Variants in SNX29 observed in about 807,000 individuals in gnomAD.
The protein encoded by SNX29 is sorting nexin-29.
In SNX29, 78 loss-of-function variants were observed where a neutral mutation model predicts 102.1. The observed-to-expected ratio is 0.76, with a 90% CI of 0.64 to 0.92. The LOEUF is 0.92. Among genes scored for constraint, SNX29 ranks in the 40% least tolerant of loss-of-function variants. The probability of loss-of-function intolerance (pLI) is 0.00; values close to 1 mark genes in which losing one functional copy is unlikely to be tolerated. For synonymous variants in SNX29, 580 were observed against 414.5 expected, an observed-to-expected ratio of 1.40 and a Z score of -4.85; for missense variants, 1,280 against 1,061.7, an observed-to-expected ratio of 1.21 and a Z score of -2.86.
rs1284675339 is a variant in SNX29 at position 12,429,224 on chromosome 16, T to G, written c.2037+25695T>G. Among the ~76,000 whole-genome samples the G allele has an allele frequency of 2.0e-5, 3 of 152,214 alleles. No individual in the cohort carries two copies. The East Asian group carries it at 5.8e-4, about 29-fold the overall frequency. ...GCAAGTAATATCTCCTTCTAGTTAG[T>G]AACAACACACAGATATGATTACAAT... is the stretch of plus-strand genomic sequence containing the variant. On this transcript the variant is annotated intron_variant, in intron 18 of 20. Coordinates refer to ENST00000566228, the MANE Select transcript of SNX29 (RefSeq NM_032167.5).
Position 12,051,925 on chromosome 16 carries a change from A to T in SNX29, c.827A>T (p.Gln276Leu). Residue 276 changes from glutamine to leucine, a missense_variant, in exon 8 of 21, where the codon CAG becomes CTG. Coordinates refer to ENST00000566228, the MANE Select transcript of SNX29 (RefSeq NM_032167.5). ...IISFDDEEDE[Q>L]NSGDVFKKTP... ...TCATTTGATGATGAGGAAGATGAGC[A>T]GAACTCTGGGGACGTGTTTAAAAAG... The T allele has an allele frequency of 6.2e-7, 1 of 1,613,866 alleles. No homozygotes were observed. The highest frequency in any genetic ancestry group is 2.2e-5 in the East Asian group (1 of 44,868).
chr16:12,399,347 C>T (rs2083848039), intron 17 of SNX29, among the ~76,000 whole-genome samples: 1 of 152,184 alleles, frequency 6.6e-6, no homozygotes, highest in South Asian at 2.1e-4. Context: ...CCACCGTGCC[C>T]AGCCGATTTT....
chr16:12,392,125 C>CT (rs1487679793), intron 16 of SNX29, among the ~76,000 whole-genome samples: 2 of 152,186 alleles, frequency 1.3e-5, no homozygotes, highest in African/African-American at 4.8e-5. Flanking sequence ...TCACCTGACA[C>CT]TTTGTTTTGT....
At chr16:12,153,695 C>T (rs144279072) in intron 13 of SNX29, among the ~76,000 whole-genome samples, 9 of 149,968 alleles carry the variant, frequency 6.0e-5, no homozygotes, top group Admixed American at 1.3e-4. Flanking sequence ...TCAGGCTGGT[C>T]TCGAACTCAT....
At chr16:12,027,564 T>G (rs978461857) in intron 4 of SNX29, 120 bp downstream of exon 4, 2 of 1,220,774 alleles carry the variant, frequency 1.6e-6, no homozygotes, top group African/African-American at 3.1e-5. Flanking sequence ...GGGTGGTGTA[T>G]GGGCACAGAA....
At chr16:12,559,022 C>T (rs538161000) in intron 20 of SNX29, among the ~76,000 whole-genome samples, 12 of 152,246 alleles carry the variant, frequency 7.9e-5, no homozygotes, top group Admixed American at 5.2e-4. Context: ...AGACAAAAGA[C>T]TCCTTTTAAG....
chr16:12,143,943 G>T (rs764673284), intron 13 of SNX29, among the ~76,000 whole-genome samples: 19 of 152,192 alleles, frequency 1.2e-4, no homozygotes, highest in South Asian at 4.1e-4. Flanking sequence ...GGTAATTCCA[G>T]TGTGCAGTCA....
chr16:12,554,594 C>G (rs139490176), intron 20 of SNX29, among the ~76,000 whole-genome samples: 1 of 152,162 alleles, frequency 6.6e-6, no homozygotes, highest in East Asian at 1.9e-4. Context: ...TTGGAGCTCC[C>G]AAGCCAGAGG....
chr16:12,133,258 C>G (rs968269824), intron 13 of SNX29, among the ~76,000 whole-genome samples: 3 of 123,806 alleles, frequency 2.4e-5, no homozygotes, highest in African/African-American at 9.5e-5. Flanking sequence ...CTTAACTTCT[C>G]TGTTTCTGTT....
intron 14 of SNX29, among the ~76,000 whole-genome samples, chr16:12,213,088 TG>T: frequency 6.6e-6 from 1 of 152,220 alleles, no homozygotes; most frequent in Non-Finnish European, 1.5e-5. Context: ...CACTCCAGCC[TG>T]GGTGACAGAG....
At chr16:12,209,057 T>G (rs2077116788) in intron 14 of SNX29, among the ~76,000 whole-genome samples, 1 of 152,182 alleles carries the variant, frequency 6.6e-6, no homozygotes, top group South Asian at 2.1e-4. Context: ...TTCTGTAAGG[T>G]GCTTTTGGCT....
chr16:12,485,477 T>C (rs930720118), intron 19 of SNX29, among the ~76,000 whole-genome samples: 1 of 152,158 alleles, frequency 6.6e-6, no homozygotes, highest in African/African-American at 2.4e-5. Context: ...AAATTATGCA[T>C]TAAAATCCTC....
At chr16:12,362,562 A>ACT (rs2082334475) in intron 16 of SNX29, among the ~76,000 whole-genome samples, 9 of 19,978 alleles carry the variant, frequency 4.5e-4, no homozygotes, top group Admixed American at 7.8e-4. Context: ...CTCCCCCCCC[A>ACT]CCCCCCCCCC....
At chr16:12,511,908 G>T (rs188601476) in intron 19 of SNX29, among the ~76,000 whole-genome samples, 8 of 152,118 alleles carry the variant, frequency 5.3e-5, no homozygotes, top group African/African-American at 1.9e-4. Context: ...ACTGGACGGC[G>T]TTGGGCAGGG....
chr16:12,494,108 G>A (rs747359341), intron 19 of SNX29, among the ~76,000 whole-genome samples: 1 of 152,040 alleles, frequency 6.6e-6, no homozygotes, highest in Non-Finnish European at 1.5e-5. Context: ...AGTGCTATGC[G>A]AGGCTCAGGT....
At chr16:12,390,635 A>G (rs1335482499) in intron 16 of SNX29, among the ~76,000 whole-genome samples, 2 of 152,184 alleles carry the variant, frequency 1.3e-5, no homozygotes, top group East Asian at 3.8e-4. Context: ...AGGGCTGCCA[A>G]ACCCCAAAAC....
chr16:12,465,157 C>G (rs2086994298), intron 18 of SNX29, among the ~76,000 whole-genome samples: 1 of 152,164 alleles, frequency 6.6e-6, no homozygotes, highest in Admixed American at 6.5e-5. Context: ...TTGCAAATAT[C>G]TTCTACTTTG....
intron 18 of SNX29, among the ~76,000 whole-genome samples, chr16:12,447,181 A>G (rs2151698714): frequency 6.7e-6 from 1 of 149,908 alleles, no homozygotes; most frequent in East Asian, 1.9e-4. Context: ...AAAAAAAAAA[A>G]AAAAAAAAAA....
intron 20 of SNX29, among the ~76,000 whole-genome samples, chr16:12,531,314 G>T (rs169773): frequency 0.32 from 48,673 of 152,134 alleles, 8,293 homozygotes; most frequent in East Asian, 0.58. Context: ...CTGGAGCCCT[G>T]GCAGGTGTGT....
Sources: allele counts gnomAD v4.1 joint callset (sites outside exome capture counted in the v4.1 genomes callset), GRCh38; gene constraint gnomAD v4.1.1; transcripts MANE v1.5; gene names NCBI Gene and HGNC (gene_info 2026-07-23, HGNC 2026-07-21).